The following CNNM2 variants were observed in gnomAD, a reference collection of about 807,000 sequenced individuals.
The protein encoded by CNNM2 is metal transporter CNNM2.
Under a neutral mutation model 66.9 loss-of-function variants are expected in CNNM2, and 12 were observed. The ratio of observed to expected loss-of-function variants is 0.18; its 90% CI spans 0.11 to 0.29. CNNM2 has a LOEUF of 0.29. CNNM2 is among the 10% of genes least tolerant of loss of function. The probability of loss-of-function intolerance (pLI) is 1.00; values close to 1 mark genes in which losing one functional copy is unlikely to be tolerated. For missense variants in CNNM2, 705 were observed against 1,167.7 expected (o/e 0.60, Z 5.77); for synonymous variants, 557 against 501.8 (o/e 1.11, Z -1.47).
At chr10:103,024,244 A>G (rs2064651990) in intron 1 of CNNM2, among the ~76,000 whole-genome samples, 1 of 152,172 alleles carries the variant, frequency 6.6e-6, no homozygotes, top group Non-Finnish European at 1.5e-5. Flanking sequence ...TAATAAGTTT[A>G]AAGTATATAT....
At chr10:102,983,097 T>C (rs900434118) in intron 1 of CNNM2, among the ~76,000 whole-genome samples, 1 of 152,038 alleles carries the variant, frequency 6.6e-6, no homozygotes, top group African/African-American at 2.4e-5. Flanking sequence ...TTGATATTGA[T>C]TTTAATTGTT....
chr10:103,016,190 TGGTA>T (rs918811636), intron 1 of CNNM2, among the ~76,000 whole-genome samples: 3 of 151,766 alleles, frequency 2.0e-5, no homozygotes, highest in Non-Finnish European at 4.4e-5. Context: ...GTTGCTTTTG[TGGTA>T]GAATAGTATT....
At position 103,054,679 on chromosome 10, in the gene CNNM2, C is replaced by T. The variant is rs2065269677; in HGVS notation, c.1903+213C>T. Among the ~76,000 whole-genome samples the T allele has an allele frequency of 6.6e-6, 1 of 152,144 alleles. No individual in the cohort carries two copies. Among genetic ancestry groups the T allele is most frequent in the African/African-American group, 2.4e-5 (1 of 41,420 alleles). ...TATGTTCAGTGTCGGCATGAACCCT[C>T]TGAGACATTTACCAGGGGTGGACCA... is the stretch of plus-strand genomic sequence containing the variant. On this transcript the variant is annotated intron_variant, in intron 3 of 7. Transcript: ENST00000369878. The surrounding 1 kb of genome is among the most constrained non-coding windows in gnomAD (Gnocchi z 5.2).
chr10:103,089,600 A>C lies in CNNM2; in HGVS notation c.*12420A>C. The C allele has an allele frequency of 6.8e-7, 1 of 1,481,318 alleles. No homozygotes were observed. Among genetic ancestry groups the C allele is most frequent in the South Asian group, 1.4e-5 (1 of 70,322 alleles). The allele number at this position is 1,481,318 out of a possible 1,614,324, so 91.8% of individuals were successfully genotyped here. On this transcript the variant is annotated 3_prime_UTR_variant, in exon 8 of 8. Coordinates refer to ENST00000369878, the MANE Select transcript of CNNM2 (RefSeq NM_017649.5). ...TCCCTCCCCCGAGTAGAACCCTAAC[A>C]GGGACCTCGTTTGTTCCTGTGAGTC...
chr10:103,053,856 G>T (rs1008677393), intron 2 of CNNM2, among the ~76,000 whole-genome samples: 5 of 152,188 alleles, frequency 3.3e-5, no homozygotes, highest in African/African-American at 1.2e-4. Context: ...TTTTGTTTGT[G>T]TGTTGTCTTT....
At chr10:102,953,224 A>G (rs1846905581) in intron 1 of CNNM2, among the ~76,000 whole-genome samples, 2 of 152,192 alleles carry the variant, frequency 1.3e-5, no homozygotes, top group Admixed American at 1.3e-4. Context: ...ATCTAGCACA[A>G]TGGGAGAGTT....
intron 1 of CNNM2, among the ~76,000 whole-genome samples, chr10:102,986,082 C>T (rs1228973006): frequency 1.3e-5 from 2 of 152,076 alleles, no homozygotes; most frequent in Non-Finnish European, 2.9e-5. Flanking sequence ...TTCACTTGCC[C>T]TGTTTTACTT....
intron 1 of CNNM2, among the ~76,000 whole-genome samples, chr10:103,047,947 G>A (rs1350612140): frequency 3.9e-5 from 6 of 152,008 alleles, no homozygotes; most frequent in Admixed American, 6.6e-5. Flanking sequence ...TGTTGAGACA[G>A]AGTCTCACTT....
In CNNM2 at chr10:103,086,097, G is replaced by A. The variant is rs1368286035; in HGVS notation, c.*8917G>A. Reference sequence around the variant, plus strand: ...TTCTGCTTTCTGGTTGCCTGTGCCTGTGGTCATCCCTGCTCCTTAGCAGTA... The same window carrying A: ...TTCTGCTTTCTGGTTGCCTGTGCCTATGGTCATCCCTGCTCCTTAGCAGTA... On this transcript the variant is annotated 3_prime_UTR_variant, in exon 8 of 8. Coordinates refer to ENST00000369878, the MANE Select transcript of CNNM2 (RefSeq NM_017649.5). The A allele has an allele frequency of 6.6e-6, 1 of 152,502 alleles. No homozygotes were observed. Among genetic ancestry groups the A allele is most frequent in the Non-Finnish European group, 1.5e-5 (1 of 68,152 alleles). The allele number at this position is 152,502 out of a possible 1,614,324, so 9.4% of individuals were successfully genotyped here. A position where few individuals can be genotyped will look rare whatever the true frequency, so the allele number is the denominator to read the frequency against.
At position 103,088,917 on chromosome 10, in the gene CNNM2, G is replaced by A. The variant is rs2066042206; in HGVS notation, c.*11737G>A. On this transcript the variant is annotated 3_prime_UTR_variant, in exon 8 of 8. Transcript: ENST00000369878. ...AAGGCAGTTCTTCCCTTTCTTTTCT[G>A]GGGGCTTGTTCCTTTGTCCACTTGC... The A allele has an allele frequency of 4.7e-6, 1 of 212,612 alleles. No homozygotes were observed. Among genetic ancestry groups the A allele is most frequent in the Non-Finnish European group, 9.5e-6 (1 of 105,164 alleles). The allele number at this position is 212,612 out of a possible 1,614,324, so 13.2% of individuals were successfully genotyped here.
chr10:102,959,404 G>A (rs1412979784), intron 1 of CNNM2, among the ~76,000 whole-genome samples: 1 of 152,182 alleles, frequency 6.6e-6, no homozygotes, highest in African/African-American at 2.4e-5. Context: ...ATTTGCTGTA[G>A]TTAACACTCT....
intron 1 of CNNM2, among the ~76,000 whole-genome samples, chr10:102,951,293 T>A (rs1846822602): frequency 6.6e-6 from 1 of 152,052 alleles, no homozygotes; most frequent in Admixed American, 6.6e-5. Context: ...ACCTCCTGTG[T>A]TCAAGTGATC....
At chr10:102,966,047 T>C (rs1420514837) in intron 1 of CNNM2, among the ~76,000 whole-genome samples, 3 of 152,244 alleles carry the variant, frequency 2.0e-5, no homozygotes, top group Non-Finnish European at 4.4e-5. Flanking sequence ...AGTTGAAGTA[T>C]AAGGAGCTGT....
intron 1 of CNNM2, among the ~76,000 whole-genome samples, chr10:102,977,205 A>G (rs1258791913): frequency 6.6e-6 from 1 of 152,186 alleles, no homozygotes; most frequent in African/African-American, 2.4e-5. Context: ...ATGTTTGTAC[A>G]GGTTGCGTAT....
intron 1 of CNNM2, among the ~76,000 whole-genome samples, chr10:103,047,750 A>G (rs1268089811): frequency 6.6e-6 from 1 of 152,170 alleles, no homozygotes; most frequent in Non-Finnish European, 1.5e-5. Context: ...TCACTTGGAA[A>G]ATATTGGTTC....
At position 103,054,415 on chromosome 10, in the gene CNNM2, G is replaced by A; in HGVS notation, c.1852G>A (p.Val618Ile). The change falls in exon 3 of 8, where the codon GTT (valine) becomes ATT (isoleucine). Residue 618 changes from valine to isoleucine, a missense_variant. Physicochemically the swap from Val to Ile is conservative, Grantham distance 29 (BLOSUM62 3). Around this residue, in one of 9 missense-constraint regions of CNNM2, gnomAD observed 171 missense variants for 304.8 expected, o/e 0.56. Transcript: ENST00000369878. This position sits in a 1 kb window ranked among gnomAD's most constrained non-coding sequence, Gnocchi z 5.2. ...AFKQTDSEMK[V>I]KISPQLLLAM... ...TAAGCAGACAGACAGTGAGATGAAG[G>A]TTAAAATATCACCACAGCTCCTCCT... 6.2e-7 allele frequency: 1 copy of A among 1,613,810 alleles called. No individual in the cohort carries two copies. The highest frequency in any genetic ancestry group is 8.5e-7 in the Non-Finnish European group (1 of 1,179,852).
chr10:102,996,819 T>C (rs1486295726), intron 1 of CNNM2, among the ~76,000 whole-genome samples: 2 of 152,272 alleles, frequency 1.3e-5, no homozygotes, highest in Non-Finnish European at 2.9e-5. Context: ...CAGCATTTAT[T>C]TTCTCATGGC....
intron 1 of CNNM2, chr10:102,927,429 T>C: frequency 1.2e-6 from 2 of 1,612,300 alleles, no homozygotes; most frequent in South Asian, 1.1e-5. Context: ...ATCACAGACA[T>C]TGGCAACTCT....
Position 103,054,095 on chromosome 10 carries a change from A to C in CNNM2, c.1766-234A>C, listed in dbSNP as rs921360550. The stretch of plus-strand genomic sequence containing the variant: ...CAGACCTTCCTGAAGTACATTCACT[A>C]ATCAGGCTGCCTGCGGTCACTCGCT... On this transcript the variant is annotated intron_variant, in intron 2 of 7. Coordinates refer to ENST00000369878, the MANE Select transcript of CNNM2 (RefSeq NM_017649.5). This position sits in a 1 kb window ranked among gnomAD's most constrained non-coding sequence, Gnocchi z 5.2. Among the ~76,000 whole-genome samples, 1 of 152,140 alleles carries C rather than the reference A, an allele frequency of 6.6e-6. No homozygotes were observed. The highest frequency in any genetic ancestry group is 2.4e-5 in the African/African-American group (1 of 41,426).
Sources: gnomAD v4.1 joint callset for allele counts (sites outside exome capture counted in the v4.1 genomes callset) on GRCh38, gnomAD v4.1.1 for gene constraint, gnomAD v4.1.1 regional missense constraint, Gnocchi (gnomAD v3.1) non-coding constraint, MANE v1.5 for transcripts, NCBI Gene and HGNC (gene_info 2026-07-23, HGNC 2026-07-21) for gene names.